The following BNC1 variants were observed in gnomAD, a reference collection of about 807,000 sequenced individuals.
The protein encoded by BNC1 is zinc finger protein basonuclin-1.
Under a neutral mutation model 66.5 loss-of-function variants are expected in BNC1, and 8 were observed. That is an observed-to-expected ratio of 0.12 (90% CI 0.07 to 0.22). The LOEUF (loss-of-function observed/expected upper bound fraction) is 0.22, where lower values mean the gene tolerates loss of function less well. BNC1 is among the 10% of genes least tolerant of loss of function. The probability of loss-of-function intolerance (pLI) is 1.00; values close to 1 mark genes in which losing one functional copy is unlikely to be tolerated. For missense variants in BNC1, 1,069 were observed against 1,241.3 expected, an observed-to-expected ratio of 0.86 and a Z score of 2.09; for synonymous variants, 454 against 452.6, an observed-to-expected ratio of 1.00 and a Z score of -0.04.
chr15:83,278,662 T>C (rs1311021440), intron 1 of BNC1, among the ~76,000 whole-genome samples: 1 of 152,124 alleles, frequency 6.6e-6, no homozygotes, highest in African/African-American at 2.4e-5. Flanking sequence ...TGAATGTGGA[T>C]CAAATAAATG....
intron 4 of BNC1, among the ~76,000 whole-genome samples, chr15:83,258,469 C>CT (rs1459894937): frequency 1.3e-5 from 2 of 152,152 alleles, no homozygotes; most frequent in Non-Finnish European, 2.9e-5. Context: ...AGACATACCC[C>CT]TTCTCCCAGG....
chr15:83,281,718 T>C (rs936318573), intron 1 of BNC1, among the ~76,000 whole-genome samples: 9 of 152,214 alleles, frequency 5.9e-5, no homozygotes, highest in Admixed American at 1.3e-4. Flanking sequence ...TACTGACAAA[T>C]TGAACTTTTA....
At chr15:83,265,660 G>T (rs754899346) in intron 3 of BNC1, among the ~76,000 whole-genome samples, 3 of 152,106 alleles carry the variant, frequency 2.0e-5, no homozygotes, top group Non-Finnish European at 2.9e-5. Context: ...TCTGCTGGGG[G>T]TCCTGCACTA....
chr15:83,264,751 A>G lies in BNC1; in HGVS notation c.500T>C (p.Leu167Ser). ...IMTSEEEVAT[L>S]QQFLRFGETK... ...CTCTCCAAAACGAAGGAACTGCTGC[A>G]AGGTGGCCACTTCTTCCTCACTGGT... is the stretch of plus-strand genomic sequence containing the variant. The change falls in exon 4 of 5, where the codon TTG becomes TCG. Residue 167 changes from leucine (L) to serine (S), a missense_variant. Leu to Ser is a moderately radical substitution (Grantham distance 145, BLOSUM62 -2). Transcript: ENST00000345382. 1 of 1,614,188 alleles carries G rather than the reference A, an allele frequency of 6.2e-7. No individual in the cohort carries two copies. The highest frequency in any genetic ancestry group is 1.1e-5 in the South Asian group (1 of 91,084).
Position 83,284,526 on chromosome 15 carries a change from T to C in BNC1, c.99+4A>G. 8.4e-7 allele frequency: 1 copy of C among 1,189,364 alleles called. No homozygotes were observed. Among genetic ancestry groups the C allele is most frequent in the Non-Finnish European group, 1.1e-6 (1 of 949,472 alleles). The allele number at this position is 1,189,364 out of a possible 1,614,324, so 73.7% of individuals were successfully genotyped here. On this transcript the variant is annotated splice_donor_region_variant and intron_variant, in intron 1 of 4. Transcript: ENST00000345382. Reference sequence around the variant, plus strand: ...CCCGCGCCCGCGGAGGGCGCCGCGCTTACCTCGGCCATCCTGCGACCGCTG... The same window carrying C: ...CCCGCGCCCGCGGAGGGCGCCGCGCCTACCTCGGCCATCCTGCGACCGCTG...
chr15:83,262,827 G>T lies in BNC1; in HGVS notation c.2300+124C>A, dbSNP rs146191418. The T allele has an allele frequency of 1.9e-5, 19 of 1,025,948 alleles. No individual in the cohort carries two copies. In the African/African-American group the frequency reaches 2.9e-4, roughly 16 times the overall value. 63.6% of individuals were successfully genotyped at this position (1,025,948 alleles called of 1,614,324 possible). A position where few individuals can be genotyped will look rare whatever the true frequency, so the allele number is the denominator to read the frequency against. Reference sequence around the variant, plus strand: ...TCTCAGGCCTCACCCTAGATCTAATGAAGTGGAAATTCTAGGGTGGGGCTC... The same window carrying T: ...TCTCAGGCCTCACCCTAGATCTAATTAAGTGGAAATTCTAGGGTGGGGCTC... On this transcript the variant is annotated intron_variant, in intron 4 of 4. Transcript: ENST00000345382.
intron 1 of BNC1, among the ~76,000 whole-genome samples, chr15:83,271,875 C>T (rs891663680): frequency 6.6e-6 from 1 of 152,120 alleles, no homozygotes; most frequent in Non-Finnish European, 1.5e-5. Flanking sequence ...GTAAGTATAC[C>T]TATATACATA....
chr15:83,270,408 C>T (rs754055845), intron 1 of BNC1, among the ~76,000 whole-genome samples: 48 of 152,144 alleles, frequency 3.2e-4, no homozygotes, highest in Non-Finnish European at 5.4e-4. Flanking sequence ...AAGAAACTGC[C>T]AAACTTTTCC....
Position 83,262,946 on chromosome 15 carries a change from C to T in BNC1, c.2300+5G>A. 2 of 1,598,376 alleles carry T rather than the reference C, an allele frequency of 1.3e-6. No homozygotes were observed. Among genetic ancestry groups the T allele is most frequent in the Non-Finnish European group, 1.7e-6 (2 of 1,171,938 alleles). ...AGAAAAAATGATTGCCTACAGATGCCTTACCTGTCTCTGCTCCTGCGGGAG... is the reference window on the plus strand; with the variant it reads ...AGAAAAAATGATTGCCTACAGATGCTTTACCTGTCTCTGCTCCTGCGGGAG... On this transcript the variant is annotated splice_donor_5th_base_variant and intron_variant, in intron 4 of 4. Transcript: ENST00000345382.
At position 83,257,913 on chromosome 15, in the gene BNC1, G is replaced by A; in HGVS notation, c.2514C>T (p.His838=). The A allele has an allele frequency of 6.2e-7, 1 of 1,614,212 alleles. No individual in the cohort carries two copies. Among genetic ancestry groups the A allele is most frequent in the Non-Finnish European group, 8.5e-7 (1 of 1,180,024 alleles). ...GSLVYPITQV[H]SASLESYNSG... ...AGTTGTAGCTCTCCAGGCTGGCACT[G>A]TGGACTTGCGTTATTGGGTAAACCA... The change falls in exon 5 of 5, where the codon CAC becomes CAT. Residue 838 remains histidine, a synonymous_variant. Transcript: ENST00000345382.
intron 1 of BNC1, chr15:83,283,234 C>G: frequency 6.5e-7 from 1 of 1,535,684 alleles, no homozygotes; most frequent in Non-Finnish European, 8.7e-7. Context: ...TGGCTCGGAG[C>G]TACGCGCTGA....
At chr15:83,274,643 A>C (rs147436200) in intron 1 of BNC1, among the ~76,000 whole-genome samples, 2 of 152,302 alleles carry the variant, frequency 1.3e-5, no homozygotes, top group Non-Finnish European at 2.9e-5. Flanking sequence ...GTGAGGAGAG[A>C]ATTATTCTCA....
chr15:83,275,214 A>C (rs1295894483), intron 1 of BNC1, among the ~76,000 whole-genome samples: 2 of 152,234 alleles, frequency 1.3e-5, no homozygotes, highest in African/African-American at 4.8e-5. Context: ...AAGAACTAAG[A>C]AGAGGCCAGG....
rs552783707 is a variant in BNC1, at chr15:83,280,412, T to C, written c.99+4118A>G. ...AAACACTTACACTTTAGCATAATTT[T>C]ACCTAAGTTACATAAGCAATGCAAC... is the stretch of plus-strand genomic sequence containing the variant. On this transcript the variant is annotated intron_variant, in intron 1 of 4. Coordinates refer to ENST00000345382, the MANE Select transcript of BNC1 (RefSeq NM_001717.4). 2.7e-4 allele frequency among the ~76,000 whole-genome samples: 41 copies of C among 152,352 alleles called. 2 individuals are homozygous for C. The highest frequency in any genetic ancestry group is 9.6e-4 in the African/African-American group (40 of 41,584).
intron 1 of BNC1, among the ~76,000 whole-genome samples, chr15:83,282,736 A>G (rs2038391980): frequency 6.6e-6 from 1 of 152,220 alleles, no homozygotes; most frequent in Non-Finnish European, 1.5e-5. Context: ...AAAATCTGCC[A>G]AATGCTGTTT....
At chr15:83,268,261 G>C (rs1567193730) in intron 1 of BNC1, 29 bp from the exon 2 acceptor site, 1 of 1,543,912 alleles carries the variant, frequency 6.5e-7, no homozygotes. Context: ...CAGGTATGTG[G>C]AGCATGTAAG....
chr15:83,275,491 C>G (rs1189553414), intron 1 of BNC1, among the ~76,000 whole-genome samples: 1 of 83,016 alleles, frequency 1.2e-5, no homozygotes, highest in South Asian at 4.6e-4. Context: ...GACTCCATCT[C>G]AAAAAAAAAA....
chr15:83,283,008 C>G, intron 1 of BNC1: 1 of 1,159,222 alleles, frequency 8.6e-7, no homozygotes, highest in Admixed American at 2.1e-5. Context: ...CTTCAGAGGA[C>G]TGAGGCGAGC....
At chr15:83,265,470 G>A (rs1016546561) in intron 3 of BNC1, among the ~76,000 whole-genome samples, 3 of 152,310 alleles carry the variant, frequency 2.0e-5, no homozygotes, top group Middle Eastern at 6.8e-3. Context: ...GTGCATGTAA[G>A]AGTTTTGAAG....
Sources: gnomAD v4.1 joint callset for allele counts (sites outside exome capture counted in the v4.1 genomes callset) on GRCh38, gnomAD v4.1.1 for gene constraint, MANE v1.5 for transcripts, NCBI Gene and HGNC (gene_info 2026-07-23, HGNC 2026-07-21) for gene names.